Variants in PDE11A observed in about 807,000 individuals in gnomAD.
PDE11A encodes the protein dual 3',5'-cyclic-AMP and -GMP phosphodiesterase 11A.
In PDE11A, 100 loss-of-function variants were observed where a neutral mutation model predicts 100.5. The observed-to-expected ratio is 1.00, with a 90% CI of 0.85 to 1.18. The LOEUF is 1.18. Ranked by LOEUF, PDE11A falls within the 50% of genes most tolerant of loss-of-function variation. The probability of loss-of-function intolerance (pLI) is 0.00; values close to 1 mark genes in which losing one functional copy is unlikely to be tolerated. For missense variants in PDE11A, 1,141 were observed against 1,152.6 expected (o/e 0.99, Z 0.15); for synonymous variants, 381 against 420.8 (o/e 0.91, Z 1.16).
chr2:177,815,346 C>G (rs2083019328), intron 9 of PDE11A, among the ~76,000 whole-genome samples: 1 of 152,202 alleles, frequency 6.6e-6, no homozygotes, highest in South Asian at 2.1e-4. Flanking sequence ...AGTGACAGAT[C>G]CAGGATTTGA....
intron 2 of PDE11A, among the ~76,000 whole-genome samples, chr2:177,961,055 G>T (rs2085626230): frequency 6.6e-6 from 1 of 152,106 alleles, no homozygotes; most frequent in Admixed American, 6.5e-5. Flanking sequence ...CATTCCTCCA[G>T]GATGCTGCCC....
chr2:177,878,743 C>A (rs2084282317), intron 4 of PDE11A, among the ~76,000 whole-genome samples: 1 of 152,194 alleles, frequency 6.6e-6, no homozygotes, highest in African/African-American at 2.4e-5. Context: ...TCTGATTCCA[C>A]AGCTCCAGTG....
intron 9 of PDE11A, among the ~76,000 whole-genome samples, chr2:177,796,852 ACT>A (rs2082714574): frequency 6.6e-6 from 1 of 152,158 alleles, no homozygotes; most frequent in Non-Finnish European, 1.5e-5. Context: ...GAGTCAACTA[ACT>A]TAGACTCAGC....
rs751767344 is a variant in PDE11A at position 177,680,839 on chromosome 2, G to A, written c.2410C>T (p.Arg804Cys). 1.3e-5 allele frequency: 20 copies of A among 1,569,126 alleles called. No homozygotes were observed. The South Asian group carries it at 2.0e-4, about 16-fold the overall frequency. ...GEYDWNIKNH[R>C]DIFRSMLMTA... Reference sequence around the variant, plus strand: ...GCTTTTTCTTACCGAAATATATCACGATGGTTTTTGATGTTCCAATCGTAT... The same window carrying A: ...GCTTTTTCTTACCGAAATATATCACAATGGTTTTTGATGTTCCAATCGTAT... The change falls in exon 16 of 20, where the codon CGT becomes TGT. Residue 804 changes from arginine to cysteine, a missense_variant. Coordinates refer to ENST00000286063, the MANE Select transcript of PDE11A (RefSeq NM_016953.4).
At chr2:177,636,327 C>T (rs187354052) in intron 19 of PDE11A, among the ~76,000 whole-genome samples, 2 of 152,242 alleles carry the variant, frequency 1.3e-5, no homozygotes, top group Non-Finnish European at 2.9e-5. Context: ...GCATCATAAT[C>T]ATGTTGTCCA....
chr2:177,964,522 G>T (rs1042069470), intron 2 of PDE11A, among the ~76,000 whole-genome samples: 1 of 151,954 alleles, frequency 6.6e-6, no homozygotes, highest in South Asian at 2.1e-4. Flanking sequence ...GTAGTTTTTT[G>T]ATCTTCACCC....
intron 5 of PDE11A, among the ~76,000 whole-genome samples, chr2:177,846,029 A>C (rs1260864966): frequency 7.4e-6 from 1 of 134,996 alleles, no homozygotes; most frequent in African/African-American, 2.8e-5. Flanking sequence ...GGAGGGGGAG[A>C]CCGTGGGGAG....
intron 3 of PDE11A, among the ~76,000 whole-genome samples, 189 bp downstream of exon 3, chr2:177,904,909 T>C (rs2084757101): frequency 6.6e-6 from 1 of 152,222 alleles, no homozygotes; most frequent in African/African-American, 2.4e-5. Flanking sequence ...ACAGATAATG[T>C]GTATCCACTT....
chr2:177,918,054 A>ATTCT (rs1018188642), intron 2 of PDE11A, among the ~76,000 whole-genome samples: 1 of 152,226 alleles, frequency 6.6e-6, no homozygotes, highest in Admixed American at 6.5e-5. Context: ...AATTCAGGGC[A>ATTCT]TTCTTAATGG....
At chr2:177,939,237 C>T (rs1284505150) in intron 2 of PDE11A, among the ~76,000 whole-genome samples, 1 of 151,846 alleles carries the variant, frequency 6.6e-6, no homozygotes, top group Admixed American at 6.6e-5. Flanking sequence ...AAAGGAGAGC[C>T]AAGCAGACAT....
intron 2 of PDE11A, among the ~76,000 whole-genome samples, chr2:177,992,479 T>G (rs2086016558): frequency 7.0e-6 from 1 of 143,682 alleles, no homozygotes; most frequent in Admixed American, 7.1e-5. Context: ...CCATTCATGC[T>G]ATTTGCCTCT....
At chr2:177,854,462 A>G (rs1380777616) in intron 5 of PDE11A, among the ~76,000 whole-genome samples, 2 of 152,072 alleles carry the variant, frequency 1.3e-5, no homozygotes, top group African/African-American at 4.8e-5. Flanking sequence ...TTTAGCTCTT[A>G]TAATTAATAT....
In PDE11A at chr2:177,714,055, G is replaced by A. The variant is rs576138116; in HGVS notation, c.2044-2177C>T. On this transcript the variant is annotated intron_variant, in intron 12 of 19. Coordinates refer to ENST00000286063, the MANE Select transcript of PDE11A (RefSeq NM_016953.4). ...GTCGCCCAGGCTGGAGTGCAGTGGC[G>A]CGATCTTGGCTAACTGCAAGCTCCG... 4.4e-5 allele frequency among the ~76,000 whole-genome samples: 6 copies of A among 134,948 alleles called. No homozygotes were observed. In the East Asian group the frequency reaches 9.2e-4, roughly 21 times the overall value. The allele number at this position is 134,948 out of a possible 152,430, so 88.5% of individuals were successfully genotyped here.
intron 1 of PDE11A, among the ~76,000 whole-genome samples, chr2:178,027,210 T>C (rs1395236260): frequency 2.6e-5 from 4 of 152,018 alleles, no homozygotes; most frequent in Non-Finnish European, 1.5e-5. Flanking sequence ...TAAGGAAAAA[T>C]TGAAAAATAT....
At chr2:177,838,897 TA>T (rs1558964985) in intron 6 of PDE11A, among the ~76,000 whole-genome samples, 1 of 152,086 alleles carries the variant, frequency 6.6e-6, no homozygotes, top group Non-Finnish European at 1.5e-5. Context: ...ATTTAGTGTA[TA>T]AAAACTGAGG....
chr2:177,942,251 G>A (rs2085353042), intron 2 of PDE11A, among the ~76,000 whole-genome samples: 1 of 152,102 alleles, frequency 6.6e-6, no homozygotes, highest in Non-Finnish European at 1.5e-5. Context: ...TAAAATTGGG[G>A]TAATAATAGA....
At chr2:178,074,885 T>C (rs530667277), upstream of PDE11A, among the ~76,000 whole-genome samples, 1 of 152,058 alleles carries the variant, frequency 6.6e-6, no homozygotes, top group Non-Finnish European at 1.5e-5. Context: ...AATGAGAAAG[T>C]GACAGAAAGC....
intron 1 of PDE11A, among the ~76,000 whole-genome samples, chr2:178,039,311 A>T (rs1038504470): frequency 1.3e-5 from 2 of 152,224 alleles, no homozygotes; most frequent in Non-Finnish European, 2.9e-5. Context: ...TCTCACTTAT[A>T]AGTGGGAGCT....
chr2:177,939,999 A>G (rs1290635163), intron 2 of PDE11A, among the ~76,000 whole-genome samples: 1 of 152,200 alleles, frequency 6.6e-6, no homozygotes, highest in African/African-American at 2.4e-5. Context: ...ATTTTTTTTA[A>G]AAGAGTGAAT....
Sources: allele counts gnomAD v4.1 joint callset (sites outside exome capture counted in the v4.1 genomes callset), GRCh38; gene constraint gnomAD v4.1.1; transcripts MANE v1.5; gene names NCBI Gene and HGNC (gene_info 2026-07-23, HGNC 2026-07-21).